CACNA1H: variants seen among roughly 807,000 people sequenced by gnomAD.
CACNA1H encodes calcium voltage-gated channel subunit alpha1 H.
Under a neutral mutation model 192.5 loss-of-function variants are expected in CACNA1H, and 149 were observed. The ratio of observed to expected loss-of-function variants is 0.77; its 90% CI spans 0.68 to 0.89. CACNA1H has a LOEUF of 0.89. Among genes scored for constraint, CACNA1H ranks in the 40% least tolerant of loss-of-function variants. The probability of loss-of-function intolerance (pLI) is 0.00; values close to 1 mark genes in which losing one functional copy is unlikely to be tolerated. For missense variants in CACNA1H, 4,257 were observed against 3,423.5 expected, an observed-to-expected ratio of 1.24 and a Z score of -6.08; for synonymous variants, 2,202 against 1,475.2, an observed-to-expected ratio of 1.49 and a Z score of -11.29.
chr16:1,214,737 G>T (rs549037288), intron 27 of CACNA1H, among the ~76,000 whole-genome samples: 1 of 152,074 alleles, frequency 6.6e-6, no homozygotes, highest in Non-Finnish European at 1.5e-5. Context: ...TGGTCTTGTG[G>T]ATGCTGGGAG....
intron 2 of CACNA1H, among the ~76,000 whole-genome samples, chr16:1,161,757 G>A (rs1014032157): frequency 1.9e-4 from 29 of 152,326 alleles, no homozygotes; most frequent in Admixed American, 1.5e-3. Flanking sequence ...TGGCCAGTGC[G>A]GCGGCTGATG....
rs1158920642 is a variant in CACNA1H at position 1,180,896 on chromosome 16, C to T, written c.300-14076C>T. The stretch of plus-strand genomic sequence containing the variant: ...CGTGCTGAGGACAGACCTGCTGGGC[C>T]GCGTTGGCAGGGGCTCACCCCGTCT... On this transcript the variant is annotated intron_variant, in intron 2 of 34. Coordinates refer to ENST00000348261, the MANE Select transcript of CACNA1H (RefSeq NM_021098.3). The surrounding 1 kb of genome is among the most constrained non-coding windows in gnomAD (Gnocchi z 4.4). 1.3e-5 allele frequency among the ~76,000 whole-genome samples: 2 copies of T among 152,100 alleles called. No homozygotes were observed. The highest frequency in any genetic ancestry group is 2.4e-5 in the African/African-American group (1 of 41,368).
At chr16:1,187,351 C>T (rs141559395) in intron 2 of CACNA1H, among the ~76,000 whole-genome samples, 2 of 152,314 alleles carry the variant, frequency 1.3e-5, no homozygotes, top group East Asian at 1.9e-4. Context: ...GGCTAAGAGT[C>T]CTGGTTGCCT....
intron 2 of CACNA1H, among the ~76,000 whole-genome samples, chr16:1,166,737 C>T (rs919916561): frequency 5.3e-5 from 8 of 152,182 alleles, no homozygotes; most frequent in African/African-American, 1.9e-4. Flanking sequence ...TTGTGCGGGC[C>T]GGTCGTCCAT....
At chr16:1,183,902 C>T (rs529883520) in intron 2 of CACNA1H, among the ~76,000 whole-genome samples, 2 of 152,356 alleles carry the variant, frequency 1.3e-5, no homozygotes, top group South Asian at 2.1e-4. Flanking sequence ...GAATTAATTC[C>T]CTCCTGGATC....
In CACNA1H at chr16:1,212,474, C is replaced by T. The variant is rs58580478; in HGVS notation, c.4760-37C>T. The stretch of plus-strand genomic sequence containing the variant: ...GAGGGCTCCAGGCCCGAGTGCGCCA[C>T]GCCCTCGGCCCTCAGACCATCTCCT... On this transcript the variant is annotated intron_variant, in intron 25 of 34. Coordinates refer to ENST00000348261, the MANE Select transcript of CACNA1H (RefSeq NM_021098.3). The T allele has an allele frequency of 1.5e-3, 2,326 of 1,601,600 alleles. 1 individual carries two copies. Among genetic ancestry groups the T allele is most frequent in the Non-Finnish European group, 1.8e-3 (2,127 of 1,173,578 alleles).
intron 2 of CACNA1H, among the ~76,000 whole-genome samples, chr16:1,175,791 C>T (rs1274237611): frequency 2.6e-5 from 4 of 152,132 alleles, no homozygotes; most frequent in Admixed American, 6.5e-5. Flanking sequence ...GGGCAGTGGG[C>T]GTTGCAGGCC....
chr16:1,169,273 C>T (rs1183730951), intron 2 of CACNA1H, among the ~76,000 whole-genome samples: 1 of 152,138 alleles, frequency 6.6e-6, no homozygotes. Context: ...GCGGCACCGT[C>T]GCTGGTGGCC....
intron 2 of CACNA1H, among the ~76,000 whole-genome samples, chr16:1,189,442 G>T (rs548678923): frequency 8.4e-6 from 1 of 118,808 alleles, no homozygotes; most frequent in South Asian, 2.7e-4. Context: ...TTTGATATGG[G>T]GTCTTGCTCC....
chr16:1,197,676 C>T (rs140706526), intron 5 of CACNA1H, among the ~76,000 whole-genome samples: 5 of 152,312 alleles, frequency 3.3e-5, no homozygotes, highest in Middle Eastern at 6.8e-3. Flanking sequence ...CTCCGGTCGG[C>T]TCTTTTGACA....
chr16:1,207,757 T>C lies in CACNA1H; in HGVS notation c.3064-13T>C. 1 of 1,585,304 alleles carries C rather than the reference T, an allele frequency of 6.3e-7. No homozygotes were observed. Among genetic ancestry groups the C allele is most frequent in the Non-Finnish European group, 8.6e-7 (1 of 1,166,366 alleles). On this transcript the variant is annotated splice_polypyrimidine_tract_variant and intron_variant, in intron 14 of 34. Transcript: ENST00000348261. ...GGGCCCCTCATGCCTGCCTTGTGCT[T>C]TGTTGGGTTTAGGGCGATGCCAACA...
At chr16:1,195,847 C>A in intron 4 of CACNA1H, 79 bp from the exon 5 acceptor site, 1 of 1,143,020 alleles carries the variant, frequency 8.7e-7, no homozygotes, top group Non-Finnish European at 1.3e-6. Flanking sequence ...TATGCCTGCC[C>A]ACCCTACTTT....
intron 2 of CACNA1H, among the ~76,000 whole-genome samples, chr16:1,160,393 C>A (rs1263159226): frequency 6.6e-6 from 1 of 152,144 alleles, no homozygotes; most frequent in African/African-American, 2.4e-5. Flanking sequence ...GTCAGCCGGT[C>A]GCGCCCTGAG....
chr16:1,216,959 C>T lies in CACNA1H; in HGVS notation c.5272C>T (p.Leu1758Phe), dbSNP rs750972279. 1.2e-6 allele frequency: 2 copies of T among 1,605,426 alleles called. No individual in the cohort carries two copies. Among genetic ancestry groups the T allele is most frequent in the Non-Finnish European group, 1.7e-6 (2 of 1,176,170 alleles). Residue 1758 changes from leucine (L) to phenylalanine (F), a missense_variant, in exon 31 of 35, where the codon CTC (leucine) becomes TTC (phenylalanine). Coordinates refer to ENST00000348261, the MANE Select transcript of CACNA1H (RefSeq NM_021098.3). ...GGGGAACCTGGGCCTTCTTTTCATG[C>T]TCCTGTTTTTTATCTATGCTGCGCT... The part of the protein sequence containing the change: ...QVGNLGLLFM[L>F]LFFIYAALGV...
At chr16:1,174,983 C>T (rs1226480737) in intron 2 of CACNA1H, among the ~76,000 whole-genome samples, 1 of 150,556 alleles carries the variant, frequency 6.6e-6, no homozygotes, top group Non-Finnish European at 1.5e-5. Flanking sequence ...CGGGCCTGGC[C>T]ATGGCTCCGT....
intron 23 of CACNA1H, 33 bp from the exon 24 acceptor site, chr16:1,211,683 A>G: frequency 1.2e-6 from 2 of 1,611,988 alleles, no homozygotes; most frequent in Non-Finnish European, 1.7e-6. Context: ...CCCAGCTCTA[A>G]CCCTCGCCAG....
At chr16:1,210,727 C>T (rs1466847661) in intron 20 of CACNA1H, 60 bp from the exon 21 acceptor site, 42 of 1,580,214 alleles carry the variant, frequency 2.7e-5, no homozygotes, top group African/African-American at 5.4e-5. Context: ...CCCAGCAGCG[C>T]GCCAGCTCCC....
Position 1,195,103 on chromosome 16 carries a change from G to C in CACNA1H, c.411+20G>C, listed in dbSNP as rs748098764. 8 of 1,527,376 alleles carry C rather than the reference G, an allele frequency of 5.2e-6. No homozygotes were observed. The highest frequency in any genetic ancestry group is 7.2e-6 in the Non-Finnish European group (8 of 1,106,470). 94.6% of individuals were successfully genotyped at this position (1,527,376 alleles called of 1,614,324 possible). A position where few individuals can be genotyped will look rare whatever the true frequency, so the allele number is the denominator to read the frequency against. ...CTGGAGGTGAGGGGCGTGGGTCGGGGTGGGGAAGGAGCGTGGGTCGCTACG... is the reference window on the plus strand; with the variant it reads ...CTGGAGGTGAGGGGCGTGGGTCGGGCTGGGGAAGGAGCGTGGGTCGCTACG... On this transcript the variant is annotated intron_variant, in intron 3 of 34. Coordinates refer to ENST00000348261, the MANE Select transcript of CACNA1H (RefSeq NM_021098.3).
Position 1,193,892 on chromosome 16 carries a change from C to T in CACNA1H, c.300-1080C>T, listed in dbSNP as rs377420690. Among the ~76,000 whole-genome samples the T allele has an allele frequency of 2.0e-5, 3 of 152,100 alleles. No homozygotes were observed. The East Asian group carries it at 5.8e-4, about 29-fold the overall frequency. On this transcript the variant is annotated intron_variant, in intron 2 of 34. Coordinates refer to ENST00000348261, the MANE Select transcript of CACNA1H (RefSeq NM_021098.3). ...CCCTCGTCACCAAGCCTGTTCCCCT[C>T]CTACCGTGGCAGCTGCCCTTCCTGT...
Sources: allele counts gnomAD v4.1 joint callset (sites outside exome capture counted in the v4.1 genomes callset), GRCh38; gene constraint gnomAD v4.1.1; non-coding constraint Gnocchi (gnomAD v3.1); transcripts MANE v1.5; gene names NCBI Gene and HGNC (gene_info 2026-07-23, HGNC 2026-07-21).